KDM7A: variants seen among roughly 807,000 people sequenced by gnomAD.
KDM7A encodes lysine-specific demethylase 7A.
In KDM7A, 28 loss-of-function variants were observed where a neutral mutation model predicts 114.8. That is an observed-to-expected ratio of 0.24 (90% confidence interval 0.18 to 0.33). The LOEUF is 0.33. Among genes scored for constraint, KDM7A ranks in the 10% least tolerant of loss-of-function variants. The probability of loss-of-function intolerance (pLI) is 1.00; values close to 1 mark genes in which losing one functional copy is unlikely to be tolerated. For synonymous variants in KDM7A, 423 were observed against 397.8 expected, an observed-to-expected ratio of 1.06 and a Z score of -0.75; for missense variants, 942 against 1,142.5, an observed-to-expected ratio of 0.82 and a Z score of 2.53.
rs1818029398 is a variant in KDM7A at position 140,092,062 on chromosome 7, G to C, written c.2473C>G (p.Gln825Glu). 2 of 1,613,912 alleles carry C rather than the reference G, an allele frequency of 1.2e-6. No individual in the cohort carries two copies. The highest frequency in any genetic ancestry group is 2.7e-5 in the African/African-American group (2 of 74,900). Residue 825 changes from glutamine (Q) to glutamate (E), a missense_variant, in exon 19 of 20, where the codon CAG (glutamine) becomes GAG (glutamate). By Grantham distance (29) the Gln-to-Glu change is conservative. Coordinates refer to ENST00000397560, the MANE Select transcript of KDM7A (RefSeq NM_030647.2). ...GAACCTTCCTTTCTGATGCATTTCT[G>C]GCTTCTACTTAGATCCTGAAGGAGG... The part of the protein sequence containing the change: ...RFHPQDLSRS[Q>E]KCIRKEGSSE...
intron 9 of KDM7A, among the ~76,000 whole-genome samples, chr7:140,117,469 G>GGT (rs1818549844): frequency 7.6e-6 from 1 of 131,208 alleles, no homozygotes; most frequent in Admixed American, 7.5e-5. Flanking sequence ...CAAGGGTAGA[G>GGT]GCGTGTGTGT....
chr7:140,090,863 G>T lies in KDM7A; in HGVS notation c.*231C>A. The T allele has an allele frequency of 2.1e-6, 1 of 468,730 alleles. No homozygotes were observed. Among genetic ancestry groups the T allele is most frequent in the East Asian group, 3.0e-5 (1 of 33,178 alleles). The allele number at this position is 468,730 out of a possible 1,614,324, so 29.0% of individuals were successfully genotyped here. A position where few individuals can be genotyped will look rare whatever the true frequency, so the allele number is the denominator to read the frequency against. On this transcript the variant is annotated 3_prime_UTR_variant, in exon 20 of 20. Coordinates refer to ENST00000397560, the MANE Select transcript of KDM7A (RefSeq NM_030647.2). The stretch of plus-strand genomic sequence containing the variant: ...GACAAGAGACCCTTTCCAGTTCAAG[G>T]TCTCTTTTTAAGGTTCTACCCTCCT...
At chr7:140,148,931 AAG>A in intron 1 of KDM7A, among the ~76,000 whole-genome samples, 1 of 152,298 alleles carries the variant, frequency 6.6e-6, no homozygotes, top group Middle Eastern at 3.4e-3. Flanking sequence ...CTATATGCTT[AAG>A]GGGTCTGAAG....
chr7:140,122,829 G>A (rs1472610967), intron 7 of KDM7A, among the ~76,000 whole-genome samples: 1 of 152,150 alleles, frequency 6.6e-6, no homozygotes, highest in Admixed American at 6.5e-5. Context: ...TTACAGGCTT[G>A]GTTTTTAACA....
intron 12 of KDM7A, among the ~76,000 whole-genome samples, chr7:140,100,543 C>T (rs1818182917): frequency 6.6e-6 from 1 of 151,036 alleles, no homozygotes; most frequent in Admixed American, 6.6e-5. Context: ...AGTGATTTTC[C>T]CCTTAATAAT....
At chr7:140,123,681 T>C (rs183847056) in intron 7 of KDM7A, among the ~76,000 whole-genome samples, 4 of 152,336 alleles carry the variant, frequency 2.6e-5, no homozygotes, top group Admixed American at 1.3e-4. Context: ...TTTCAGATTT[T>C]GGACTTTTGC....
rs777827605 is a variant in KDM7A, at chr7:140,099,935, T to A, written c.1727A>T (p.Asp576Val). 6.2e-7 allele frequency: 1 copy of A among 1,611,800 alleles called. No homozygotes were observed. Among genetic ancestry groups the A allele is most frequent in the Non-Finnish European group, 8.5e-7 (1 of 1,177,814 alleles). ...TCCATTTGTCAGCAGTAATCGTAGA[T>A]CATTATCTTTCGCTCTCCATTCAGG... ...TVPEWRAKDN[D>V]LRLLLTNGRI... Residue 576 changes from aspartate (D) to valine (V), a missense_variant, in exon 13 of 20, where the codon GAT (aspartate) becomes GTT (valine). By Grantham distance (152) the Asp-to-Val change is radical. Coordinates refer to ENST00000397560, the MANE Select transcript of KDM7A (RefSeq NM_030647.2).
chr7:140,094,509 GA>G (rs1286374125), intron 17 of KDM7A, among the ~76,000 whole-genome samples: 81 of 145,728 alleles, frequency 5.6e-4, no homozygotes, highest in Admixed American at 8.9e-4. Context: ...CATCTTGGGG[GA>G]AAAAAAAAAA....
Position 140,098,869 on chromosome 7 carries a change from A to G in KDM7A, c.1918+10T>C, listed in dbSNP as rs145179235. The G allele has an allele frequency of 1.3e-4, 207 of 1,599,386 alleles. No individual in the cohort carries two copies. The African/African-American group carries it at 2.3e-3, about 18-fold the overall frequency. On this transcript the variant is annotated intron_variant, in intron 14 of 19. Transcript: ENST00000397560. ...AAAAGATCTTTAAAATAACCATTAA[A>G]AAAACATACCATTCAGTGGTTTTTG...
In KDM7A at chr7:140,098,897, ATTC is replaced by A. The variant is rs1477017623; in HGVS notation, c.1897_1899del (p.Glu633del). On this transcript the variant is annotated inframe_deletion, in exon 14 of 20. Coordinates refer to ENST00000397560, the MANE Select transcript of KDM7A (RefSeq NM_030647.2). Reference sequence around the variant, plus strand: ...AACATACCATTCAGTGGTTTTTGAGATTCTTCATGTTCCACTCCCTCTACTCCT... The same window carrying A: ...AACATACCATTCAGTGGTTTTTGAGATTCATGTTCCACTCCCTCTACTCCT... 9 of 1,610,838 alleles carry A rather than the reference ATTC, an allele frequency of 5.6e-6. No individual in the cohort carries two copies. The highest frequency in any genetic ancestry group is 4.0e-5 in the African/African-American group (3 of 74,486).
intron 11 of KDM7A, among the ~76,000 whole-genome samples, chr7:140,106,641 G>A (rs1402852903): frequency 1.3e-5 from 2 of 152,140 alleles, no homozygotes; most frequent in East Asian, 1.9e-4. Flanking sequence ...ATTGCACTGT[G>A]GTCTGAGAGA....
intron 1 of KDM7A, among the ~76,000 whole-genome samples, chr7:140,158,004 T>TA (rs1291748007): frequency 8.8e-4 from 120 of 136,058 alleles, no homozygotes; most frequent in Non-Finnish European, 1.6e-3. Context: ...ATAATAATAA[T>TA]AATAATAATA....
chr7:140,126,704 A>G lies in KDM7A; in HGVS notation c.821T>C (p.Val274Ala). The change falls in exon 6 of 20, where the codon GTT becomes GCT. Residue 274 changes from valine (V) to alanine (A), a missense_variant. Coordinates refer to ENST00000397560, the MANE Select transcript of KDM7A (RefSeq NM_030647.2). ...GTGGAAATCTGTATAGCTGTCTTGA[A>G]CTCCCATTAAGCAATATTTCTGAAC... ...PFVQKYCLMG[V>A]QDSYTDFHID... 1 of 1,613,750 alleles carries G rather than the reference A, an allele frequency of 6.2e-7. No individual in the cohort carries two copies. The highest frequency in any genetic ancestry group is 8.5e-7 in the Non-Finnish European group (1 of 1,179,722).
At chr7:140,105,520 G>A (rs556566826) in intron 11 of KDM7A, among the ~76,000 whole-genome samples, 55 of 152,240 alleles carry the variant, frequency 3.6e-4, no homozygotes, top group African/African-American at 1.3e-3. Flanking sequence ...TTCATCAAAG[G>A]CCTTTTCTGC....
chr7:140,126,549 G>A (rs562745679), intron 6 of KDM7A, 88 bp downstream of exon 6: 134 of 628,082 alleles, frequency 2.1e-4, no homozygotes, highest in Admixed American at 3.5e-4. Context: ...CCCTTTACAA[G>A]TAACATTTAC....
intron 1 of KDM7A, among the ~76,000 whole-genome samples, chr7:140,143,069 T>A (rs748556212): frequency 1.4e-4 from 21 of 150,498 alleles, no homozygotes; most frequent in Non-Finnish European, 2.2e-4. Flanking sequence ...TAGTCCCCAC[T>A]ACTCGGAGGC....
intron 7 of KDM7A, among the ~76,000 whole-genome samples, chr7:140,123,377 CTG>C (rs2116795586): frequency 6.6e-6 from 1 of 152,294 alleles, no homozygotes; most frequent in East Asian, 1.9e-4. Flanking sequence ...ACATAAAAAA[CTG>C]TATACAAATG....
rs1473508436 is a variant in KDM7A at position 140,125,365 on chromosome 7, T to C, written c.889-582A>G. ...TTTCTGTGCTGATGGAAATTTTTTG[T>C]ATCTGTGCTAACCAACACAGTAGCC... On this transcript the variant is annotated intron_variant, in intron 6 of 19. Transcript: ENST00000397560. 2.0e-5 allele frequency among the ~76,000 whole-genome samples: 3 copies of C among 152,218 alleles called. No individual in the cohort carries two copies. The South Asian group carries it at 6.2e-4, about 32-fold the overall frequency.
rs756032077 is a variant in KDM7A at position 140,096,770 on chromosome 7, A to C, written c.2166-7T>G. The C allele has an allele frequency of 2.5e-6, 4 of 1,611,424 alleles. No individual in the cohort carries two copies. The Admixed American group carries it at 5.0e-5, about 20-fold the overall frequency. On this transcript the variant is annotated splice_region_variant and splice_polypyrimidine_tract_variant and intron_variant, in intron 16 of 19. Coordinates refer to ENST00000397560, the MANE Select transcript of KDM7A (RefSeq NM_030647.2). ...CGTCGAGGTAGGACATTCCCTAAAG[A>C]AGAGATGATCCAAAAACACAAGAGT...
Sources: allele counts gnomAD v4.1 joint callset (sites outside exome capture counted in the v4.1 genomes callset), GRCh38; gene constraint gnomAD v4.1.1; transcripts MANE v1.5; gene names NCBI Gene and HGNC (gene_info 2026-07-23, HGNC 2026-07-21).